Variants in AGMAT observed in about 807,000 individuals in gnomAD.
AGMAT encodes agmatinase (putative).
A neutral mutation model predicts 29.3 loss-of-function variants in AGMAT; 37 were observed. The ratio of observed to expected loss-of-function variants is 1.26; its 90% CI spans 0.97 to 1.66. The LOEUF (loss-of-function observed/expected upper bound fraction) is 1.66, where lower values mean the gene tolerates loss of function less well. Among genes scored for constraint, AGMAT ranks in the 40% most tolerant of loss-of-function variants. AGMAT has a pLI of 0.00. For missense variants in AGMAT, 498 were observed against 497.8 expected (o/e 1.00, Z 0.00); for synonymous variants, 199 against 200.8 (o/e 0.99, Z 0.08).
chr1:15,584,439 C>T (rs1196367428), intron 1 of AGMAT, among the ~76,000 whole-genome samples: 1 of 152,106 alleles, frequency 6.6e-6, no homozygotes, highest in Non-Finnish European at 1.5e-5. Flanking sequence ...CATGAGCCAC[C>T]GGGCCGGCCA....
chr1:15,582,951 T>C (rs1046612686), intron 2 of AGMAT, among the ~76,000 whole-genome samples: 11 of 152,134 alleles, frequency 7.2e-5, no homozygotes, highest in African/African-American at 2.4e-4. Flanking sequence ...TGTGCCGAGA[T>C]TGCACCACTG....
chr1:15,584,993 G>A lies in AGMAT; in HGVS notation c.-26C>T, dbSNP rs755063913. The A allele has an allele frequency of 5.3e-5, 69 of 1,292,458 alleles. No individual in the cohort carries two copies. Among genetic ancestry groups the A allele is most frequent in the Middle Eastern group, 2.9e-4 (1 of 3,396 alleles). The allele number at this position is 1,292,458 out of a possible 1,614,324, so 80.1% of individuals were successfully genotyped here. On this transcript the variant is annotated 5_prime_UTR_variant, in exon 1 of 7. Transcript: ENST00000375826. ...TGCCGCGCGCGGCCAAGACCTCACC[G>A]ACCAAACCGCCCGCGAGGCCGCCGC...
intron 2 of AGMAT, among the ~76,000 whole-genome samples, chr1:15,581,055 G>A (rs1639106467): frequency 2.0e-5 from 3 of 151,886 alleles, no homozygotes; most frequent in African/African-American, 4.8e-5. Context: ...GCAAGACCAC[G>A]TCTCTAAAAA....
chr1:15,579,088 TCCCTGTGGGGCCCTAGCACAGCCA>T (rs1639079206), intron 3 of AGMAT, 34 bp from the exon 4 acceptor site: 2 of 1,598,934 alleles, frequency 1.3e-6, no homozygotes, highest in African/African-American at 2.7e-5. Context: ...AGGCCAACCC[TCCCTGTGGGGCCCTAGCACAGCCA>T]CCCTTCGGGC....
At position 15,580,066 on chromosome 1, in the gene AGMAT, TG is replaced by T. The variant is rs781392339; in HGVS notation, c.524+27del. Reference sequence around the variant, plus strand: ...CCCTAGCTTCTGGCTTTTGAAATCTTGCTGGGCCCAAGCCATTTGAGACTTA... The same window carrying T: ...CCCTAGCTTCTGGCTTTTGAAATCTTCTGGGCCCAAGCCATTTGAGACTTA... On this transcript the variant is annotated intron_variant, in intron 3 of 6. Transcript: ENST00000375826. 10 of 1,609,586 alleles carry T rather than the reference TG, an allele frequency of 6.2e-6. 1 individual carries two copies. The South Asian group carries it at 1.1e-4, about 18-fold the overall frequency.
chr1:15,579,633 C>T (rs898515059), intron 3 of AGMAT, among the ~76,000 whole-genome samples: 2 of 152,186 alleles, frequency 1.3e-5, no homozygotes, highest in Non-Finnish European at 2.9e-5. Flanking sequence ...TAGCCAAAGT[C>T]GGCCAATCCT....
At chr1:15,574,541 G>C (rs1047466094) in intron 6 of AGMAT, among the ~76,000 whole-genome samples, 52 of 152,096 alleles carry the variant, frequency 3.4e-4, no homozygotes, top group Non-Finnish European at 6.0e-4. Flanking sequence ...ACCACACCTG[G>C]CTAATTTTTA....
intron 2 of AGMAT, 133 bp from the exon 3 acceptor site, chr1:15,580,275 G>A (rs368452297): frequency 4.8e-5 from 34 of 707,006 alleles, no homozygotes; most frequent in South Asian, 3.7e-4. Flanking sequence ...GCACAATCTC[G>A]GCTCACTGCA....
intron 1 of AGMAT, among the ~76,000 whole-genome samples, chr1:15,584,159 T>C (rs1639151382): frequency 6.6e-6 from 1 of 152,188 alleles, no homozygotes; most frequent in Non-Finnish European, 1.5e-5. Flanking sequence ...TTTTCTTTTT[T>C]TGAGACGGAG....
intron 2 of AGMAT, among the ~76,000 whole-genome samples, chr1:15,581,258 G>GGAT (rs1639109781): frequency 6.6e-6 from 1 of 151,836 alleles, no homozygotes; most frequent in Admixed American, 6.6e-5. Flanking sequence ...TGGAGTGGAA[G>GGAT]GATCACCTGA....
chr1:15,575,616 A>G (rs990812897), intron 5 of AGMAT: 1 of 152,234 alleles, frequency 6.6e-6, no homozygotes, highest in African/African-American at 2.4e-5. Flanking sequence ...GATTCTAGTC[A>G]TAACCATTCT....
chr1:15,574,678 C>G, intron 6 of AGMAT, 79 bp downstream of exon 6: 1 of 1,312,478 alleles, frequency 7.6e-7, no homozygotes, highest in Non-Finnish European at 1.1e-6. Context: ...ATGCCTGGCC[C>G]CATTTTCTAC....
Position 15,573,805 on chromosome 1 carries a change from C to T in AGMAT, c.986-81G>A, listed in dbSNP as rs6703706. The T allele has an allele frequency of 2.4e-3, 3,000 of 1,228,850 alleles. 64 individuals are homozygous for T. The African/African-American group carries it at 0.036, about 15-fold the overall frequency. The allele number at this position is 1,228,850 out of a possible 1,614,324, so 76.1% of individuals were successfully genotyped here. A position where few individuals can be genotyped will look rare whatever the true frequency, so the allele number is the denominator to read the frequency against. ...CCTTGGGACTCCTCAGCTTTCTCTT[C>T]CCCTTGTGCCTCCTTTTCCAGAGCC... On this transcript the variant is annotated intron_variant, in intron 6 of 6. Coordinates refer to ENST00000375826, the MANE Select transcript of AGMAT (RefSeq NM_024758.5).
At position 15,583,352 on chromosome 1, in the gene AGMAT, T is replaced by C; in HGVS notation, c.316A>G (p.Thr106Ala). The change falls in exon 2 of 7, where the codon ACA (threonine) becomes GCA (alanine). Residue 106 changes from threonine (T) to alanine (A), a missense_variant. Transcript: ENST00000375826. Reference protein sequence around the residue: ...RIREESVMLGTVNPSTGALPF... With the variant: ...RIREESVMLGAVNPSTGALPF... ...AGGGCCCCCGTGCTAGGATTGACTG[T>C]CCCAAGCATCACTGATTCTTCCCGG... The C allele has an allele frequency of 6.2e-7, 1 of 1,614,098 alleles. No homozygotes were observed. Among genetic ancestry groups the C allele is most frequent in the Non-Finnish European group, 8.5e-7 (1 of 1,179,996 alleles).
In AGMAT at chr1:15,578,765, G is replaced by A. The variant is rs943305194; in HGVS notation, c.720+94C>T. 8 of 1,375,892 alleles carry A rather than the reference G, an allele frequency of 5.8e-6. No homozygotes were observed. In the East Asian group the frequency reaches 1.7e-4, roughly 30 times the overall value. The allele number at this position is 1,375,892 out of a possible 1,614,324, so 85.2% of individuals were successfully genotyped here. A position where few individuals can be genotyped will look rare whatever the true frequency, so the allele number is the denominator to read the frequency against. ...TGTATCCCTGCTTCAGACTTGATTA[G>A]TAAAGCCCCCGCTCAATCCCTGGCT... is the stretch of plus-strand genomic sequence containing the variant. On this transcript the variant is annotated intron_variant, in intron 4 of 6. Transcript: ENST00000375826.
chr1:15,573,257 C>CA lies in AGMAT; in HGVS notation c.*393dup, dbSNP rs36051155. 39,578 of 149,626 alleles carry CA rather than the reference C, an allele frequency of 0.26. 5,956 individuals carry two copies. The highest frequency in any genetic ancestry group is 0.58 in the East Asian group (2,986 of 5,158). 9.3% of individuals were successfully genotyped at this position (149,626 alleles called of 1,614,324 possible). A position where few individuals can be genotyped will look rare whatever the true frequency, so the allele number is the denominator to read the frequency against. On this transcript the variant is annotated 3_prime_UTR_variant, in exon 7 of 7. Coordinates refer to ENST00000375826, the MANE Select transcript of AGMAT (RefSeq NM_024758.5). Reference sequence around the variant, plus strand: ...CTGGGTGACAAGCAAAACTCTATCTCAAAAAAAAAAATGTTTAAAAGGAAG... The same window carrying CA: ...CTGGGTGACAAGCAAAACTCTATCTCAAAAAAAAAAAATGTTTAAAAGGAAG...
rs970116875 is a variant in AGMAT at position 15,584,860 on chromosome 1, A to G, written c.108T>C (p.Ala36=). Reference sequence around the variant, plus strand: ...GGGGCTGGTTCCGGGGCGCGTCGGAAGCCTGGCGGCTCTGGCGGCGCCCCG... The same window carrying G: ...GGGGCTGGTTCCGGGGCGCGTCGGAGGCCTGGCGGCTCTGGCGGCGCCCCG... The part of the protein sequence containing the change: ...FHPGRRQSRQ[A]SDAPRNQPPS... Residue 36 remains alanine, a synonymous_variant, in exon 1 of 7, where the codon GCT becomes GCC. Transcript: ENST00000375826. The G allele has an allele frequency of 5.6e-6, 8 of 1,419,452 alleles. No individual in the cohort carries two copies. Among genetic ancestry groups the G allele is most frequent in the African/African-American group, 3.0e-5 (2 of 66,976 alleles). The allele number at this position is 1,419,452 out of a possible 1,614,324, so 87.9% of individuals were successfully genotyped here. A position where few individuals can be genotyped will look rare whatever the true frequency, so the allele number is the denominator to read the frequency against.
chr1:15,580,309 G>A (rs938859679), intron 2 of AGMAT, among the ~76,000 whole-genome samples, 167 bp from the exon 3 acceptor site: 1 of 148,304 alleles, frequency 6.7e-6, no homozygotes, highest in East Asian at 2.0e-4. Context: ...AGGTTCAAGC[G>A]ATTCTCCTGC....
intron 1 of AGMAT, 32 bp from the exon 2 acceptor site, chr1:15,583,427 C>T: frequency 6.3e-7 from 1 of 1,588,838 alleles, no homozygotes; most frequent in South Asian, 1.1e-5. Context: ...TGTCAGCCAT[C>T]ATCTGCAGAG....
Sources: allele counts gnomAD v4.1 joint callset (sites outside exome capture counted in the v4.1 genomes callset), GRCh38; gene constraint gnomAD v4.1.1; transcripts MANE v1.5; gene names NCBI Gene and HGNC (gene_info 2026-07-23, HGNC 2026-07-21).